PDSS1: variants seen among roughly 807,000 people sequenced by gnomAD.
PDSS1 encodes decaprenyl diphosphate synthase subunit 1, also known as all trans-polyprenyl-diphosphate synthase PDSS1.
In PDSS1, 43 loss-of-function variants were observed where a neutral mutation model predicts 57.5. The ratio of observed to expected loss-of-function variants is 0.75; its 90% CI spans 0.59 to 0.96. PDSS1 has a LOEUF of 0.96. Ranked by LOEUF, PDSS1 falls within the 50% of genes least tolerant of loss-of-function variation. The probability of loss-of-function intolerance (pLI) is 0.00; values close to 1 mark genes in which losing one functional copy is unlikely to be tolerated. For synonymous variants in PDSS1, 175 were observed against 191.3 expected, an observed-to-expected ratio of 0.91 and a Z score of 0.70; for missense variants, 438 against 527.8, an observed-to-expected ratio of 0.83 and a Z score of 1.67.
intron 6 of PDSS1, among the ~76,000 whole-genome samples, chr10:26,721,449 CAT>C (rs1554795594): frequency 4.0e-5 from 6 of 151,896 alleles, no homozygotes; most frequent in East Asian, 3.9e-4. Flanking sequence ...CACACACACA[CAT>C]ACATATATAT....
intron 6 of PDSS1, among the ~76,000 whole-genome samples, chr10:26,721,354 C>G (rs1588688052): frequency 1.3e-5 from 2 of 151,146 alleles, no homozygotes; most frequent in East Asian, 2.0e-4. Context: ...CTCCTTTTCT[C>G]TCATAGATTT....
chr10:26,723,669 G>A (rs2132268622), intron 6 of PDSS1, 137 bp from the exon 7 acceptor site: 3 of 736,966 alleles, frequency 4.1e-6, no homozygotes, highest in Middle Eastern at 4.8e-4. Context: ...TCCTGTTGAG[G>A]AAGAAGAAGG....
chr10:26,729,657 C>T (rs1446453709), intron 8 of PDSS1, among the ~76,000 whole-genome samples: 1 of 152,174 alleles, frequency 6.6e-6, no homozygotes, highest in Non-Finnish European at 1.5e-5. Flanking sequence ...CAGTATTTAT[C>T]ATTCCTTTTG....
At chr10:26,715,483 G>A in intron 5 of PDSS1, 1 of 149,190 alleles carries the variant, frequency 6.7e-6, no homozygotes, top group East Asian at 2.0e-4. Context: ...TTCAACCTCT[G>A]CCTCCCAGGT....
intron 5 of PDSS1, among the ~76,000 whole-genome samples, chr10:26,717,061 C>T (rs147996135): frequency 6.6e-6 from 1 of 152,252 alleles, no homozygotes; most frequent in Non-Finnish European, 1.5e-5. Context: ...TGTAAGCTGA[C>T]ACACACTAAA....
At chr10:26,707,125 G>A (rs1236855609) in intron 4 of PDSS1, among the ~76,000 whole-genome samples, 1 of 152,138 alleles carries the variant, frequency 6.6e-6, no homozygotes, top group African/African-American at 2.4e-5. Context: ...GCAGTGGCCC[G>A]CCAGTGTTGG....
intron 1 of PDSS1, among the ~76,000 whole-genome samples, chr10:26,699,044 G>A (rs866068087): frequency 7.2e-5 from 11 of 152,302 alleles, no homozygotes; most frequent in Middle Eastern, 6.8e-3. Flanking sequence ...AGGATTGTTC[G>A]ATCCCAGGAG....
chr10:26,697,948 C>T (rs1336314870), intron 1 of PDSS1, 108 bp downstream of exon 1: 2 of 1,042,822 alleles, frequency 1.9e-6, no homozygotes, highest in South Asian at 4.4e-5. Flanking sequence ...GACGCGGGGG[C>T]GCGCGGGGTA....
chr10:26,740,161 T>TAAAA (rs1564436809), intron 10 of PDSS1, among the ~76,000 whole-genome samples: 5 of 148,528 alleles, frequency 3.4e-5, no homozygotes, highest in African/African-American at 7.5e-5. Flanking sequence ...AAAAAAAAAT[T>TAAAA]AAAAAATTAG....
intron 11 of PDSS1, 77 bp from the exon 12 acceptor site, chr10:26,746,256 A>T: frequency 7.1e-7 from 1 of 1,411,306 alleles, no homozygotes; most frequent in Non-Finnish European, 1.0e-6. Context: ...CTATGTGTTC[A>T]TTTATTATAG....
At position 26,710,760 on chromosome 10, in the gene PDSS1, T is replaced by C. The variant is rs1013820944; in HGVS notation, c.467+992T>C. Among the ~76,000 whole-genome samples, 2 of 98,800 alleles carry C rather than the reference T, an allele frequency of 2.0e-5. 1 individual carries two copies. Among genetic ancestry groups the C allele is most frequent in the Admixed American group, 2.4e-4 (2 of 8,324 alleles). 64.8% of individuals were successfully genotyped at this position (98,800 alleles called of 152,430 possible). Reference sequence around the variant, plus strand: ...AGATGAAGTTTAAAGGACAGGATGTTTATTCGGGATTATCCCCTGGGATTA... The same window carrying C: ...AGATGAAGTTTAAAGGACAGGATGTCTATTCGGGATTATCCCCTGGGATTA... On this transcript the variant is annotated intron_variant, in intron 5 of 11. Transcript: ENST00000376215.
intron 6 of PDSS1, among the ~76,000 whole-genome samples, chr10:26,721,543 A>G (rs889742590): frequency 5.3e-5 from 8 of 152,108 alleles, no homozygotes; most frequent in Non-Finnish European, 8.8e-5. Flanking sequence ...TTTCATTTAT[A>G]TGCCTTTTAT....
rs774809733 is a variant in PDSS1, at chr10:26,746,401, T to G, written c.1176T>G (p.Ser392Arg). ...QYCHEAIREISKLRPSPERDA... is the reference protein window; with the variant it reads ...QYCHEAIREIRKLRPSPERDA... ...GCCATGAAGCAATAAGAGAGATCAGTAAACTTCGACCATCCCCAGAAAGAG... is the reference window on the plus strand; with the variant it reads ...GCCATGAAGCAATAAGAGAGATCAGGAAACTTCGACCATCCCCAGAAAGAG... Residue 392 changes from serine (S) to arginine (R), a missense_variant, in exon 12 of 12, where the codon AGT becomes AGG. Coordinates refer to ENST00000376215, the MANE Select transcript of PDSS1 (RefSeq NM_014317.5). 1.9e-6 allele frequency: 3 copies of G among 1,614,090 alleles called. No individual in the cohort carries two copies. The Admixed American group carries it at 5.0e-5, about 27-fold the overall frequency.
At chr10:26,720,889 A>G (rs1258588156) in intron 6 of PDSS1, among the ~76,000 whole-genome samples, 1 of 152,196 alleles carries the variant, frequency 6.6e-6, no homozygotes. Flanking sequence ...GGAATATGGG[A>G]AACAGGGACT....
At chr10:26,717,986 T>C (rs1429102843) in intron 5 of PDSS1, 1 of 152,162 alleles carries the variant, frequency 6.6e-6, no homozygotes, top group African/African-American at 2.4e-5. Context: ...TCAGGTGGCT[T>C]AAAACTCACC....
chr10:26,743,217 G>T (rs1218964056), intron 11 of PDSS1, among the ~76,000 whole-genome samples: 2 of 152,228 alleles, frequency 1.3e-5, no homozygotes, highest in African/African-American at 4.8e-5. Context: ...GTGGAAGCCA[G>T]ATCTCTCTGC....
Position 26,710,969 on chromosome 10 carries a change from G to A in PDSS1, c.467+1201G>A, listed in dbSNP as rs1421400174. Among the ~76,000 whole-genome samples the A allele has an allele frequency of 3.0e-5, 3 of 98,562 alleles. 1 individual carries two copies. Among genetic ancestry groups the A allele is most frequent in the Non-Finnish European group, 7.1e-5 (3 of 42,488 alleles). The allele number at this position is 98,562 out of a possible 152,430, so 64.7% of individuals were successfully genotyped here. A position where few individuals can be genotyped will look rare whatever the true frequency, so the allele number is the denominator to read the frequency against. On this transcript the variant is annotated intron_variant, in intron 5 of 11. Coordinates refer to ENST00000376215, the MANE Select transcript of PDSS1 (RefSeq NM_014317.5). ...GGTGAGAGGACTCTTTGTAGCCAAG[G>A]CAATCCTTGAAGAGGCTAAGAAATG...
chr10:26,706,482 A>G (rs1330478600), intron 4 of PDSS1, among the ~76,000 whole-genome samples: 1 of 152,098 alleles, frequency 6.6e-6, no homozygotes, highest in African/African-American at 2.4e-5. Context: ...TTCCCTCTCT[A>G]GGGGCAGTCC....
At chr10:26,741,222 C>T (rs1836591575) in intron 10 of PDSS1, among the ~76,000 whole-genome samples, 1 of 152,176 alleles carries the variant, frequency 6.6e-6, no homozygotes, top group African/African-American at 2.4e-5. Flanking sequence ...CGGTGGCTCA[C>T]ACCTGTAATC....
Sources: allele counts gnomAD v4.1 joint callset (sites outside exome capture counted in the v4.1 genomes callset), GRCh38; gene constraint gnomAD v4.1.1; transcripts MANE v1.5; gene names NCBI Gene and HGNC (gene_info 2026-07-23, HGNC 2026-07-21).